Variants in RGS6 observed in about 807,000 individuals in gnomAD.
The protein encoded by RGS6 is regulator of G protein signaling 6, also known as regulator of G-protein signaling 6.
In RGS6, 30 loss-of-function variants were observed where a neutral mutation model predicts 78.5. The ratio of observed to expected loss-of-function variants is 0.38; its 90% CI spans 0.29 to 0.52. RGS6 has a LOEUF of 0.52. Among genes scored for constraint, RGS6 ranks in the 20% least tolerant of loss-of-function variants. The pLI is 0.85. For missense variants in RGS6, 495 were observed against 609.7 expected (o/e 0.81, Z 1.98); for synonymous variants, 206 against 206.0 (o/e 1.00, Z 0.00).
chr14:71,995,533 G>A (rs550087207), intron 2 of RGS6, among the ~76,000 whole-genome samples: 1 of 152,290 alleles, frequency 6.6e-6, no homozygotes, highest in East Asian at 1.9e-4. Flanking sequence ...GGGCAGCCAT[G>A]GGAAGTTTCC....
At position 72,288,782 on chromosome 14, in the gene RGS6, C is replaced by T. The variant is rs574272773; in HGVS notation, c.85-63313C>T. 2.2e-3 allele frequency among the ~76,000 whole-genome samples: 337 copies of T among 152,248 alleles called. 4 individuals carry two copies. Among genetic ancestry groups the T allele is most frequent in the Non-Finnish European group, 1.3e-3 (90 of 68,012 alleles). On this transcript the variant is annotated intron_variant, in intron 2 of 17. Transcript: ENST00000553525. The stretch of plus-strand genomic sequence containing the variant: ...AGATTGTCCTCCAGAGAGCTGTCCC[C>T]TTGAAGGAGGTGCGTTGGCATGATC...
chr14:72,114,259 C>G (rs1041969702), intron 2 of RGS6, among the ~76,000 whole-genome samples: 2 of 152,142 alleles, frequency 1.3e-5, no homozygotes, highest in African/African-American at 4.8e-5. Context: ...TATCTTCTCC[C>G]GTCTGTCAAT....
the RGS6 span, among the ~76,000 whole-genome samples, chr14:71,908,635 G>A: frequency 6.6e-6 from 1 of 152,158 alleles, no homozygotes; most frequent in Non-Finnish European, 1.5e-5. Flanking sequence ...AGGAGGGGTA[G>A]TGTCAATTCT....
chr14:72,035,118 C>G (rs1388732013), intron 2 of RGS6, among the ~76,000 whole-genome samples: 1 of 152,084 alleles, frequency 6.6e-6, no homozygotes, highest in Non-Finnish European at 1.5e-5. Flanking sequence ...CAGTACTATT[C>G]AGGGTTTCAG....
At chr14:72,369,522 C>T (rs2083058751) in intron 3 of RGS6, among the ~76,000 whole-genome samples, 1 of 152,032 alleles carries the variant, frequency 6.6e-6, no homozygotes, top group African/African-American at 2.4e-5. Flanking sequence ...ACACTAAGCA[C>T]ATTATAGTTT....
intron 3 of RGS6, among the ~76,000 whole-genome samples, chr14:72,408,071 C>G (rs1253700256): frequency 2.0e-5 from 3 of 152,180 alleles, no homozygotes; most frequent in African/African-American, 7.2e-5. Context: ...GTATTTAAAT[C>G]AAGTTTTAAC....
the RGS6 span, among the ~76,000 whole-genome samples, chr14:72,587,564 A>G: frequency 6.6e-6 from 1 of 152,192 alleles, no homozygotes; most frequent in African/African-American, 2.4e-5. Flanking sequence ...GCAAATAATT[A>G]ATATACCCAC....
chr14:72,187,341 A>G (rs567901568), intron 2 of RGS6, among the ~76,000 whole-genome samples: 5 of 152,274 alleles, frequency 3.3e-5, no homozygotes, highest in African/African-American at 7.2e-5. Flanking sequence ...TGCCTCTATC[A>G]TGTGGCTACA....
chr14:72,040,499 A>C (rs567510497), intron 2 of RGS6, among the ~76,000 whole-genome samples: 2 of 152,112 alleles, frequency 1.3e-5, no homozygotes, highest in Admixed American at 1.3e-4. Context: ...GGAAGATTTC[A>C]TGTACATGAT....
intron 3 of RGS6, among the ~76,000 whole-genome samples, chr14:72,427,860 A>G (rs776656588): frequency 1.3e-5 from 2 of 152,184 alleles, no homozygotes; most frequent in African/African-American, 4.8e-5. Context: ...AGAGGACTCT[A>G]GTGGAATATA....
intron 1 of RGS6, among the ~76,000 whole-genome samples, chr14:71,961,859 C>T (rs907700964): frequency 6.6e-6 from 1 of 152,124 alleles, no homozygotes; most frequent in East Asian, 1.9e-4. Context: ...TTCTCTACCA[C>T]TAAATTTAAA....
intron 12 of RGS6, among the ~76,000 whole-genome samples, chr14:72,478,531 C>T (rs2096292749): frequency 1.3e-5 from 2 of 152,106 alleles, no homozygotes; most frequent in South Asian, 2.1e-4. Flanking sequence ...AGAAATGTTC[C>T]GTTGCTAAGG....
intron 12 of RGS6, among the ~76,000 whole-genome samples, chr14:72,485,316 G>A (rs945159268): frequency 1.3e-5 from 2 of 152,126 alleles, no homozygotes; most frequent in Non-Finnish European, 2.9e-5. Flanking sequence ...TTATATGCTG[G>A]ACATCCTACA....
upstream of RGS6, among the ~76,000 whole-genome samples, chr14:71,929,063 G>T (rs1349343451): frequency 6.6e-6 from 1 of 152,062 alleles, no homozygotes; most frequent in Admixed American, 6.5e-5. Context: ...ATCTTCTGAG[G>T]GTAAGTTGCA....
intron 2 of RGS6, among the ~76,000 whole-genome samples, chr14:72,049,494 C>G (rs1335733560): frequency 6.6e-6 from 1 of 152,124 alleles, no homozygotes; most frequent in Admixed American, 6.6e-5. Context: ...TTTCTATTGG[C>G]AAAAATCTCT....
rs57854685 is a variant in RGS6 at position 71,971,906 on chromosome 14, G to GTT, written c.84+7058_84+7059dup. On this transcript the variant is annotated intron_variant, in intron 2 of 17. Coordinates refer to ENST00000553525, the MANE Select transcript of RGS6 (RefSeq NM_001204424.2). ...CATATCGCAGCTCATAATATGGCAG[G>GTT]TTTTTTTTTTTTTTTTTTTTTTTTT... Among the ~76,000 whole-genome samples, 35 of 104,440 alleles carry GTT rather than the reference G, an allele frequency of 3.4e-4. 1 individual carries two copies. The highest frequency in any genetic ancestry group is 1.1e-3 in the African/African-American group (28 of 26,546). 68.5% of individuals were successfully genotyped at this position (104,440 alleles called of 152,430 possible).
At chr14:72,247,492 G>A (rs1280535802) in intron 2 of RGS6, among the ~76,000 whole-genome samples, 1 of 152,188 alleles carries the variant, frequency 6.6e-6, no homozygotes, top group Admixed American at 6.5e-5. Flanking sequence ...AGGAAATAGT[G>A]CTTGCTTTAG....
At chr14:72,427,902 G>C (rs963818103) in intron 3 of RGS6, among the ~76,000 whole-genome samples, 1 of 152,122 alleles carries the variant, frequency 6.6e-6, no homozygotes, top group African/African-American at 2.4e-5. Flanking sequence ...TTTTACATGA[G>C]AGAAAGGAGG....
chr14:72,028,680 T>C (rs1057210319), intron 2 of RGS6, among the ~76,000 whole-genome samples: 1 of 152,234 alleles, frequency 6.6e-6, no homozygotes, highest in Non-Finnish European at 1.5e-5. Context: ...TGTGCTCCGC[T>C]AGTGAGTATG....
Sources: allele counts gnomAD v4.1 joint callset (sites outside exome capture counted in the v4.1 genomes callset), GRCh38; gene constraint gnomAD v4.1.1; transcripts MANE v1.5; gene names NCBI Gene and HGNC (gene_info 2026-07-23, HGNC 2026-07-21).